BCAS1: variants seen among roughly 807,000 people sequenced by gnomAD.
BCAS1 encodes the protein brain enriched myelin associated protein 1.
Under a neutral mutation model 65.4 loss-of-function variants are expected in BCAS1, and 46 were observed. The ratio of observed to expected loss-of-function variants is 0.70; its 90% CI spans 0.55 to 0.90. The LOEUF is 0.90. BCAS1 is among the 40% of genes least tolerant of loss of function. The pLI is 0.00. For synonymous variants in BCAS1, 298 were observed against 293.5 expected (o/e 1.02, Z -0.16); for missense variants, 793 against 771.2 (o/e 1.03, Z -0.33).
At chr20:54,062,584 A>G (rs2092389047) in intron 1 of BCAS1, among the ~76,000 whole-genome samples, 1 of 152,244 alleles carries the variant, frequency 6.6e-6, no homozygotes, top group Admixed American at 6.5e-5. Flanking sequence ...TTTAATGTAA[A>G]TTCAATCCTA....
At chr20:53,961,942 G>A (rs1186211906) in intron 10 of BCAS1, among the ~76,000 whole-genome samples, 1 of 152,162 alleles carries the variant, frequency 6.6e-6, no homozygotes, top group Admixed American at 6.5e-5. Context: ...GAGATACTGC[G>A]TGCAAAGTGC....
intron 4 of BCAS1, among the ~76,000 whole-genome samples, chr20:53,998,371 A>G (rs1048139351): frequency 2.0e-5 from 3 of 152,250 alleles, no homozygotes; most frequent in Admixed American, 6.5e-5. Context: ...CAGCCTTTAC[A>G]GGAAGCATGG....
chr20:53,985,379 G>C lies in BCAS1; in HGVS notation c.1183C>G (p.Gln395Glu), dbSNP rs1171682492. ...SKGCNPSGHT[Q>E]SVTTPEPAKE... ...GCAGGTTCAGGGGTTGTCACGGACTGTGTGTGCCCCGATGGGTTGCATCCT... is the reference window on the plus strand; with the variant it reads ...GCAGGTTCAGGGGTTGTCACGGACTCTGTGTGCCCCGATGGGTTGCATCCT... The change falls in exon 8 of 13, where the codon CAG becomes GAG. Residue 395 changes from glutamine (Q) to glutamate (E), a missense_variant. Transcript: ENST00000688948. 1 of 1,614,122 alleles carries C rather than the reference G, an allele frequency of 6.2e-7. No homozygotes were observed. Among genetic ancestry groups the C allele is most frequent in the Non-Finnish European group, 8.5e-7 (1 of 1,179,974 alleles).
At chr20:54,065,080 A>G (rs528083282) in intron 1 of BCAS1, among the ~76,000 whole-genome samples, 2 of 152,078 alleles carry the variant, frequency 1.3e-5, no homozygotes, top group Non-Finnish European at 1.5e-5. Flanking sequence ...TTCGACTGAC[A>G]ATATTTCAAC....
At chr20:53,987,924 G>A (rs1191831206) in intron 7 of BCAS1, among the ~76,000 whole-genome samples, 10 of 152,172 alleles carry the variant, frequency 6.6e-5, no homozygotes, top group South Asian at 2.1e-4. Flanking sequence ...GTGGCCAAGC[G>A]TGGCTACTTC....
At chr20:54,025,342 A>T (rs1406547542) in intron 4 of BCAS1, among the ~76,000 whole-genome samples, 2 of 152,150 alleles carry the variant, frequency 1.3e-5, no homozygotes, top group African/African-American at 4.8e-5. Context: ...GAGGAAAAAA[A>T]CCTCATCCCT....
chr20:54,041,885 T>C (rs1197689759), intron 3 of BCAS1, among the ~76,000 whole-genome samples: 8 of 94,006 alleles, frequency 8.5e-5, no homozygotes, highest in Non-Finnish European at 1.8e-4. Context: ...GGCAACAGAG[T>C]TCAGAGTGAG....
chr20:54,065,411 C>G (rs2092427625), intron 1 of BCAS1, among the ~76,000 whole-genome samples: 1 of 152,184 alleles, frequency 6.6e-6, no homozygotes, highest in Admixed American at 6.5e-5. Flanking sequence ...CGATTTTGGC[C>G]CCGAAGGGGC....
At chr20:53,965,083 C>T (rs2089991942) in intron 10 of BCAS1, among the ~76,000 whole-genome samples, 1 of 152,188 alleles carries the variant, frequency 6.6e-6, no homozygotes, top group Non-Finnish European at 1.5e-5. Context: ...AATCTCAAGT[C>T]TTAATCTCCA....
intron 9 of BCAS1, among the ~76,000 whole-genome samples, chr20:53,969,832 T>C (rs889964163): frequency 1.3e-5 from 2 of 152,166 alleles, no homozygotes; most frequent in African/African-American, 4.8e-5. Context: ...CAAATAAACA[T>C]CTGTATTTTG....
intron 12 of BCAS1, among the ~76,000 whole-genome samples, chr20:53,950,265 C>T (rs1332499040): frequency 1.3e-5 from 2 of 152,180 alleles, no homozygotes; most frequent in African/African-American, 4.8e-5. Flanking sequence ...CTGAAATGTA[C>T]TAAGCTCACT....
intron 12 of BCAS1, among the ~76,000 whole-genome samples, chr20:53,950,528 G>A (rs192981042): frequency 6.6e-6 from 1 of 152,104 alleles, no homozygotes; most frequent in East Asian, 1.9e-4. Context: ...ATTTCCCTCA[G>A]TGATCTCCCA....
At chr20:53,977,667 C>T (rs2090368886) in intron 8 of BCAS1, among the ~76,000 whole-genome samples, 4 of 152,184 alleles carry the variant, frequency 2.6e-5, no homozygotes, top group Admixed American at 1.3e-4. Flanking sequence ...GGGGCTGCTT[C>T]TGAACAGATT....
At chr20:54,056,418 C>T (rs1050754977) in intron 3 of BCAS1, among the ~76,000 whole-genome samples, 6 of 151,862 alleles carry the variant, frequency 4.0e-5, no homozygotes, top group African/African-American at 1.5e-4. Context: ...TATACCGGGG[C>T]GTAGGGTAGC....
intron 8 of BCAS1, among the ~76,000 whole-genome samples, chr20:53,979,303 C>T (rs938265464): frequency 2.0e-5 from 3 of 152,124 alleles, no homozygotes; most frequent in Non-Finnish European, 2.9e-5. Flanking sequence ...CAGCAACCTC[C>T]AGGGCTTGTG....
chr20:53,987,841 A>G (rs56046030), intron 7 of BCAS1, among the ~76,000 whole-genome samples: 1,710 of 152,254 alleles, frequency 0.011, 11 homozygotes, highest in Middle Eastern at 0.048. Flanking sequence ...TTAACCAGAG[A>G]AGGGAAGAAG....
intron 3 of BCAS1, among the ~76,000 whole-genome samples, chr20:54,048,480 A>T (rs1205172791): frequency 6.6e-6 from 1 of 152,086 alleles, no homozygotes; most frequent in Non-Finnish European, 1.5e-5. Flanking sequence ...TCAGGGAAGG[A>T]TCCTCCTTCC....
At chr20:53,958,915 A>G (rs1187789123) in intron 10 of BCAS1, among the ~76,000 whole-genome samples, 2 of 152,154 alleles carry the variant, frequency 1.3e-5, no homozygotes, top group African/African-American at 4.8e-5. Context: ...CCTAGAAGGC[A>G]AGAGGCACCA....
At chr20:53,953,382 G>A (rs767898645) in intron 12 of BCAS1, 50 bp downstream of exon 12, 2 of 1,605,046 alleles carry the variant, frequency 1.2e-6, no homozygotes, top group Non-Finnish European at 1.7e-6. Flanking sequence ...GGCAGATGGT[G>A]TTGGGGAAGG....
Sources: allele counts gnomAD v4.1 joint callset (sites outside exome capture counted in the v4.1 genomes callset), GRCh38; gene constraint gnomAD v4.1.1; transcripts MANE v1.5; gene names NCBI Gene and HGNC (gene_info 2026-07-23, HGNC 2026-07-21).